Variants in ADAMTS5 observed in about 807,000 individuals in gnomAD.
The protein encoded by ADAMTS5 is A disintegrin and metalloproteinase with thrombospondin motifs 5.
Under a neutral mutation model 81.4 loss-of-function variants are expected in ADAMTS5, and 54 were observed. That is an observed-to-expected ratio of 0.66 (90% CI 0.53 to 0.83). ADAMTS5 has a LOEUF of 0.83. Ranked by LOEUF, ADAMTS5 falls within the 40% of genes least tolerant of loss-of-function variation. The probability of loss-of-function intolerance (pLI) is 0.00; values close to 1 mark genes in which losing one functional copy is unlikely to be tolerated. For missense variants in ADAMTS5, 1,194 were observed against 1,229.9 expected (o/e 0.97, Z 0.44); for synonymous variants, 532 against 508.8 (o/e 1.05, Z -0.61).
In ADAMTS5 at chr21:26,918,181, T is replaced by C. The variant is rs1986617513; in HGVS notation, c.*5872A>G. ...GAAGGTTGCCAAAGCTGAGAGACAT[T>C]TTAAACAAGACCCGTCTTAGTTTTC... On this transcript the variant is annotated 3_prime_UTR_variant, in exon 8 of 8. Transcript: ENST00000284987. The C allele has an allele frequency of 1.3e-5, 2 of 152,452 alleles. No homozygotes were observed. Among genetic ancestry groups the C allele is most frequent in the Admixed American group, 1.3e-4 (2 of 15,240 alleles). The allele number at this position is 152,452 out of a possible 1,614,324, so 9.4% of individuals were successfully genotyped here.
chr21:26,966,158 G>C lies in ADAMTS5; in HGVS notation c.234C>G (p.Asp78Glu), dbSNP rs1987661376. The stretch of plus-strand genomic sequence containing the variant: ...CCTTGCCGCCGCCGGAGTAGAGTTG[G>C]TCGATGTTCTGCACCAGCCCCTTGC... ...RRSKGLVQNI[D>E]QLYSGGGKVG... The change falls in exon 1 of 8, where the codon GAC (aspartate) becomes GAG (glutamate). Residue 78 changes from aspartate to glutamate, a missense_variant. Asp to Glu is a conservative substitution (Grantham distance 45). Around this residue, in one of 2 missense-constraint regions of ADAMTS5, gnomAD observed 498 missense variants for 412.3 expected, o/e 1.21. Coordinates refer to ENST00000284987, the MANE Select transcript of ADAMTS5 (RefSeq NM_007038.5). 5.6e-6 allele frequency: 9 copies of C among 1,610,538 alleles called. No individual in the cohort carries two copies. The highest frequency in any genetic ancestry group is 1.1e-5 in the South Asian group (1 of 90,740).
chr21:26,934,837 G>C (rs892240302), intron 3 of ADAMTS5, 88 bp from the exon 4 acceptor site: 4 of 1,526,184 alleles, frequency 2.6e-6, no homozygotes, highest in Non-Finnish European at 3.6e-6. Context: ...TGCCCCGGCT[G>C]GTGTTGGAGC....
rs141034422 is a variant in ADAMTS5 at position 26,926,712 on chromosome 21, G to A, written c.2226-2092C>T. Among the ~76,000 whole-genome samples, 621 of 149,684 alleles carry A rather than the reference G, an allele frequency of 4.1e-3. 4 individuals are homozygous for A. Among genetic ancestry groups the A allele is most frequent in the Non-Finnish European group, 4.8e-3 (323 of 67,630 alleles). ...GCCAGGCTCTTGACTCCCAATTAGC[G>A]CTCTTTTTCACTATATCCCCAGGCA... On this transcript the variant is annotated intron_variant, in intron 7 of 7. Transcript: ENST00000284987.
chr21:26,960,146 A>C (rs1987501126), intron 1 of ADAMTS5, among the ~76,000 whole-genome samples: 1 of 152,068 alleles, frequency 6.6e-6, no homozygotes, highest in Non-Finnish European at 1.5e-5. Context: ...CCTCTTCCTA[A>C]CATTTCTTGA....
At position 26,923,503 on chromosome 21, in the gene ADAMTS5, G is replaced by A. The variant is rs1986740217; in HGVS notation, c.*550C>T. The A allele has an allele frequency of 6.5e-6, 1 of 152,698 alleles. No individual in the cohort carries two copies. The highest frequency in any genetic ancestry group is 2.4e-5 in the African/African-American group (1 of 41,434). The allele number at this position is 152,698 out of a possible 1,614,324, so 9.5% of individuals were successfully genotyped here. ...CTACATCTTATTAAAACAGCAGCAA[G>A]TTCTTAATTTCCAGTAAAATATCCA... On this transcript the variant is annotated 3_prime_UTR_variant, in exon 8 of 8. Coordinates refer to ENST00000284987, the MANE Select transcript of ADAMTS5 (RefSeq NM_007038.5).
chr21:26,963,452 A>C (rs1379137376), intron 1 of ADAMTS5, among the ~76,000 whole-genome samples: 1 of 151,714 alleles, frequency 6.6e-6, no homozygotes, highest in Non-Finnish European at 1.5e-5. Context: ...AAATTATGAA[A>C]TGTGGATTTG....
At chr21:26,947,914 A>C (rs1052624925) in intron 2 of ADAMTS5, among the ~76,000 whole-genome samples, 1 of 152,198 alleles carries the variant, frequency 6.6e-6, no homozygotes, top group African/African-American at 2.4e-5. Context: ...TGTAATGATA[A>C]ATTATGTCAG....
chr21:26,932,738 G>C, intron 5 of ADAMTS5, 123 bp downstream of exon 5: 1 of 1,072,662 alleles, frequency 9.3e-7, no homozygotes, highest in Non-Finnish European at 1.3e-6. Flanking sequence ...TTATTGATCT[G>C]CATATTGGTG....
chr21:26,951,004 C>T (rs1987306257), intron 2 of ADAMTS5, among the ~76,000 whole-genome samples: 1 of 152,158 alleles, frequency 6.6e-6, no homozygotes, highest in Non-Finnish European at 1.5e-5. Context: ...TACAGGCATG[C>T]ACCACCATGC....
chr21:26,966,445 T>C lies in ADAMTS5; in HGVS notation c.-54A>G. 7.2e-7 allele frequency: 1 copy of C among 1,394,470 alleles called. No individual in the cohort carries two copies. Among genetic ancestry groups the C allele is most frequent in the Non-Finnish European group, 9.2e-7 (1 of 1,083,852 alleles). 86.4% of individuals were successfully genotyped at this position (1,394,470 alleles called of 1,614,324 possible). On this transcript the variant is annotated 5_prime_UTR_variant, in exon 1 of 8. It adds an upstream start codon to the 5' untranslated region. Transcript: ENST00000284987. ...CGACTGGGACTTTATGGGTATTTGTTATTTGCTATGAAGTTAACGGGGCGG... is the reference window on the plus strand; with the variant it reads ...CGACTGGGACTTTATGGGTATTTGTCATTTGCTATGAAGTTAACGGGGCGG...
chr21:26,961,270 T>A (rs1987525222), intron 1 of ADAMTS5, among the ~76,000 whole-genome samples: 1 of 152,248 alleles, frequency 6.6e-6, no homozygotes, highest in Admixed American at 6.5e-5. Flanking sequence ...TGTAAAATAG[T>A]TTGTGGCCAT....
chr21:26,924,782 T>A lies in ADAMTS5; in HGVS notation c.2226-162A>T, dbSNP rs558228229. On this transcript the variant is annotated intron_variant, in intron 7 of 7. Coordinates refer to ENST00000284987, the MANE Select transcript of ADAMTS5 (RefSeq NM_007038.5). ...ATTAGTTTAAAATTGGGTTTAAAAA[T>A]TATTTTTTATGAGAAAATTGCAATT... Among the ~76,000 whole-genome samples the A allele has an allele frequency of 2.0e-5, 3 of 152,346 alleles. No individual in the cohort carries two copies. The South Asian group carries it at 6.2e-4, about 32-fold the overall frequency.
chr21:26,966,210 G>C lies in ADAMTS5; in HGVS notation c.182C>G (p.Pro61Arg), dbSNP rs143025284. The C allele has an allele frequency of 1.3e-4, 215 of 1,597,490 alleles. No homozygotes were observed. In the African/African-American group the frequency reaches 2.1e-3, roughly 16 times the overall value. ...VQERAEPPGH[P>R]HPLAQRRRSK... is the part of the protein sequence containing the mutation. ...CCTGCGCCGCTGCGCCAGGGGGTGC[G>C]GGTGGCCGGGAGGCTCGGCTCGCTC... The change falls in exon 1 of 8, where the codon CCG (proline) becomes CGG (arginine). Residue 61 changes from proline (P) to arginine (R), a missense_variant. Physicochemically the swap from Pro to Arg is moderately radical, Grantham distance 103 (BLOSUM62 -2). Around this residue, in one of 2 missense-constraint regions of ADAMTS5, gnomAD observed 498 missense variants for 412.3 expected, o/e 1.21. Transcript: ENST00000284987.
In ADAMTS5 at chr21:26,966,209, C is replaced by T. The variant is rs1224150685; in HGVS notation, c.183G>A (p.Pro61=). ...TCCTGCGCCGCTGCGCCAGGGGGTGCGGGTGGCCGGGAGGCTCGGCTCGCT... is the reference window on the plus strand; with the variant it reads ...TCCTGCGCCGCTGCGCCAGGGGGTGTGGGTGGCCGGGAGGCTCGGCTCGCT... ...VQERAEPPGH[P]HPLAQRRRSK... is the part of the protein sequence containing the mutation. Residue 61 remains proline, a synonymous_variant, in exon 1 of 8, where the codon CCG becomes CCA. Coordinates refer to ENST00000284987, the MANE Select transcript of ADAMTS5 (RefSeq NM_007038.5). The T allele has an allele frequency of 3.8e-6, 6 of 1,596,154 alleles. No individual in the cohort carries two copies. The South Asian group carries it at 5.7e-5, about 15-fold the overall frequency.
At chr21:26,952,206 A>G (rs1029773560) in intron 2 of ADAMTS5, among the ~76,000 whole-genome samples, 1 of 152,198 alleles carries the variant, frequency 6.6e-6, no homozygotes, top group African/African-American at 2.4e-5. Context: ...CCAAAAATTT[A>G]AGTGCACAGA....
In ADAMTS5 at chr21:26,965,656, G is replaced by A; in HGVS notation, c.736C>T (p.Pro246Ser). Residue 246 changes from proline (P) to serine (S), a missense_variant, in exon 1 of 8, where the codon CCC becomes TCC. Around this residue, in one of 2 missense-constraint regions of ADAMTS5, gnomAD observed 498 missense variants for 412.3 expected, o/e 1.21. Coordinates refer to ENST00000284987, the MANE Select transcript of ADAMTS5 (RefSeq NM_007038.5). ...GTCTGCGGTCCTGAGCCCCCAGCGG[G>A]CGAGAGAGCGGACTGGTCCAAGAGC... ...SQLLDQSALSPAGGSGPQTWW... is the reference protein window; with the variant it reads ...SQLLDQSALSSAGGSGPQTWW... 1 of 1,592,376 alleles carries A rather than the reference G, an allele frequency of 6.3e-7. No homozygotes were observed. Among genetic ancestry groups the A allele is most frequent in the Non-Finnish European group, 8.5e-7 (1 of 1,171,926 alleles).
In ADAMTS5 at chr21:26,965,481, T is replaced by C; in HGVS notation, c.911A>G (p.His304Arg). The C allele has an allele frequency of 1.9e-6, 3 of 1,614,248 alleles. No homozygotes were observed. The highest frequency in any genetic ancestry group is 1.7e-6 in the Non-Finnish European group (2 of 1,180,048). Residue 304 changes from histidine to arginine, a missense_variant, in exon 1 of 8, where the codon CAT (histidine) becomes CGT (arginine). His to Arg is a conservative substitution (Grantham distance 29). Around this residue, in one of 2 missense-constraint regions of ADAMTS5, gnomAD observed 696 missense variants for 817.6 expected, o/e 0.85. Coordinates refer to ENST00000284987, the MANE Select transcript of ADAMTS5 (RefSeq NM_007038.5). ...LASIANRLYS[H>R]ASIENHIRLA... ...GCGGATGTGGTTCTCGATGCTAGCATGGCTGTACAGCCTATTGGCGATGGA... is the reference window on the plus strand; with the variant it reads ...GCGGATGTGGTTCTCGATGCTAGCACGGCTGTACAGCCTATTGGCGATGGA...
chr21:26,957,778 G>T (rs1163007348), intron 1 of ADAMTS5, among the ~76,000 whole-genome samples: 2 of 152,152 alleles, frequency 1.3e-5, no homozygotes, highest in African/African-American at 4.8e-5. Flanking sequence ...ACAAGACTGA[G>T]ACATTGTATC....
At chr21:26,940,750 C>G (rs1218671013) in intron 3 of ADAMTS5, among the ~76,000 whole-genome samples, 1 of 152,098 alleles carries the variant, frequency 6.6e-6, no homozygotes, top group African/African-American at 2.4e-5. Context: ...AGTCTTCTAA[C>G]AAAGATGCAT....
Sources: gnomAD v4.1 joint callset for allele counts (sites outside exome capture counted in the v4.1 genomes callset) on GRCh38, gnomAD v4.1.1 for gene constraint, gnomAD v4.1.1 regional missense constraint, MANE v1.5 for transcripts, NCBI Gene and HGNC (gene_info 2026-07-23, HGNC 2026-07-21) for gene names.